SPAG16: variants seen among roughly 807,000 people sequenced by gnomAD.
SPAG16 encodes sperm-associated antigen 16 protein.
SPAG16 carries 86 observed loss-of-function variants against 80.4 expected under a neutral mutation model. The observed-to-expected ratio is 1.07, with a 90% CI of 0.90 to 1.28. The LOEUF (loss-of-function observed/expected upper bound fraction) is 1.28, where lower values mean the gene tolerates loss of function less well. SPAG16 is among the 50% of genes most tolerant of loss of function. The pLI is 0.00. For synonymous variants in SPAG16, 294 were observed against 265.9 expected (o/e 1.11, Z -1.03); for missense variants, 870 against 765.3 (o/e 1.14, Z -1.61).
At chr2:214,130,561 A>G (rs896504463) in intron 14 of SPAG16, among the ~76,000 whole-genome samples, 1 of 152,160 alleles carries the variant, frequency 6.6e-6, no homozygotes, top group African/African-American at 2.4e-5. Context: ...GTAAGCTTCA[A>G]TTTTTACTTC....
intron 10 of SPAG16, among the ~76,000 whole-genome samples, chr2:213,723,815 G>A (rs1177281215): frequency 6.6e-6 from 1 of 152,154 alleles, no homozygotes; most frequent in South Asian, 2.1e-4. Flanking sequence ...GTATACTATA[G>A]AAAATGCCAA....
intron 9 of SPAG16, among the ~76,000 whole-genome samples, chr2:213,432,918 C>A (rs983529031): frequency 6.6e-6 from 1 of 152,040 alleles, no homozygotes; most frequent in Non-Finnish European, 1.5e-5. Context: ...CAAGTGGTTC[C>A]CCCACTGCCA....
intron 9 of SPAG16, among the ~76,000 whole-genome samples, chr2:213,424,792 G>A (rs938232956): frequency 1.4e-4 from 22 of 152,186 alleles, no homozygotes; most frequent in African/African-American, 5.3e-4. Context: ...AGAATTTTAG[G>A]GGTCTTTTTC....
chr2:213,613,386 C>T (rs936955145), intron 10 of SPAG16, among the ~76,000 whole-genome samples: 1 of 152,202 alleles, frequency 6.6e-6, no homozygotes, highest in Non-Finnish European at 1.5e-5. Flanking sequence ...GCTCTCTGAC[C>T]TTATCTCCTA....
chr2:213,969,311 A>G (rs1456100504), intron 12 of SPAG16, among the ~76,000 whole-genome samples: 7 of 152,180 alleles, frequency 4.6e-5, no homozygotes, highest in African/African-American at 1.2e-4. Context: ...TATGACTTAC[A>G]TATTTTTGAC....
intron 6 of SPAG16, among the ~76,000 whole-genome samples, chr2:213,344,359 C>A (rs1304934502): frequency 6.6e-6 from 1 of 151,964 alleles, no homozygotes. Context: ...AGAAGTGAAT[C>A]AACCTTATTC....
chr2:213,615,300 A>G (rs1222498801), intron 10 of SPAG16, among the ~76,000 whole-genome samples: 3 of 152,230 alleles, frequency 2.0e-5, no homozygotes, highest in Non-Finnish European at 4.4e-5. Context: ...TGTCATTTAA[A>G]ACAAACTTTA....
intron 15 of SPAG16, among the ~76,000 whole-genome samples, chr2:214,188,620 C>T (rs2057556072): frequency 1.3e-5 from 2 of 152,240 alleles, no homozygotes; most frequent in South Asian, 2.1e-4. Context: ...AAACTCTTTG[C>T]AAATGCAATT....
intron 10 of SPAG16, among the ~76,000 whole-genome samples, chr2:213,549,348 A>G (rs2076715090): frequency 6.6e-6 from 1 of 152,076 alleles, no homozygotes; most frequent in African/African-American, 2.4e-5. Flanking sequence ...CAAATTTATG[A>G]GTTTCTAAAG....
chr2:213,638,975 CTCTT>C (rs1025074309), intron 10 of SPAG16, among the ~76,000 whole-genome samples: 1 of 152,102 alleles, frequency 6.6e-6, no homozygotes, highest in African/African-American at 2.4e-5. Context: ...TTGCATTTAT[CTCTT>C]TATCATTTTT....
chr2:213,594,511 G>A (rs1283587066), intron 10 of SPAG16, among the ~76,000 whole-genome samples: 1 of 152,116 alleles, frequency 6.6e-6, no homozygotes, highest in Admixed American at 6.6e-5. Flanking sequence ...CGGGGAGAAT[G>A]GGGGTGTGCT....
chr2:214,006,550 A>G (rs1475812556), intron 12 of SPAG16, among the ~76,000 whole-genome samples: 3 of 152,260 alleles, frequency 2.0e-5, no homozygotes, highest in Non-Finnish European at 4.4e-5. Context: ...GTTAAGAAAG[A>G]GCTATTGCTT....
chr2:213,776,216 G>A (rs552994851), intron 10 of SPAG16, among the ~76,000 whole-genome samples: 4 of 152,174 alleles, frequency 2.6e-5, no homozygotes, highest in Non-Finnish European at 4.4e-5. Flanking sequence ...TTATGTTGGT[G>A]GACCCAGTCT....
At chr2:213,581,499 G>T (rs1641604799) in intron 10 of SPAG16, among the ~76,000 whole-genome samples, 1 of 151,928 alleles carries the variant, frequency 6.6e-6, no homozygotes, top group African/African-American at 2.4e-5. Context: ...TATATTTATG[G>T]CCACTGCTCC....
intron 10 of SPAG16, among the ~76,000 whole-genome samples, chr2:213,669,283 G>C (rs1270571614): frequency 6.6e-6 from 1 of 152,152 alleles, no homozygotes; most frequent in African/African-American, 2.4e-5. Context: ...TATTACCAAA[G>C]TTACATGGCT....
intron 14 of SPAG16, among the ~76,000 whole-genome samples, chr2:214,136,502 G>T (rs13032246): frequency 6.6e-6 from 1 of 151,976 alleles, no homozygotes; most frequent in South Asian, 2.1e-4. Flanking sequence ...TTAGCTGCTC[G>T]GTAATTATTT....
At chr2:213,531,428 C>T (rs1247783047) in intron 10 of SPAG16, among the ~76,000 whole-genome samples, 1 of 148,876 alleles carries the variant, frequency 6.7e-6, no homozygotes, top group Non-Finnish European at 1.5e-5. Flanking sequence ...ATGTGTTAGG[C>T]TGCCTGCACT....
intron 11 of SPAG16, among the ~76,000 whole-genome samples, chr2:213,919,642 T>C (rs11887466): frequency 0.34 from 52,361 of 152,082 alleles, 9,500 homozygotes; most frequent in South Asian, 0.47. Context: ...TTTATTGTGC[T>C]GTGATGCAAG....
intron 10 of SPAG16, among the ~76,000 whole-genome samples, chr2:213,532,478 T>C (rs2076102044): frequency 6.6e-6 from 1 of 151,782 alleles, no homozygotes; most frequent in Admixed American, 6.6e-5. Flanking sequence ...TTTTTTTTTT[T>C]TGAGATGGAG....
Sources: allele counts gnomAD v4.1 joint callset (sites outside exome capture counted in the v4.1 genomes callset), GRCh38; gene constraint gnomAD v4.1.1; transcripts MANE v1.5; gene names NCBI Gene and HGNC (gene_info 2026-07-23, HGNC 2026-07-21).